The following WNT10A variants were observed in gnomAD, a reference collection of about 807,000 sequenced individuals.
The protein encoded by WNT10A is Wnt family member 10A.
A neutral mutation model predicts 36.1 loss-of-function variants in WNT10A; 37 were observed. That is an observed-to-expected ratio of 1.02 (90% CI 0.79 to 1.35). The LOEUF (loss-of-function observed/expected upper bound fraction) is 1.35, where lower values mean the gene tolerates loss of function less well. WNT10A is among the 40% of genes most tolerant of loss of function. The pLI is 0.00. For synonymous variants in WNT10A, 255 were observed against 254.1 expected (o/e 1.00, Z -0.03); for missense variants, 613 against 601.4 (o/e 1.02, Z -0.20).
rs754567070 is a variant in WNT10A, at chr2:218,893,227, T to A, written c.1210T>A (p.Cys404Ser). 6.4e-7 allele frequency: 1 copy of A among 1,566,376 alleles called. No individual in the cohort carries two copies. The highest frequency in any genetic ancestry group is 8.6e-7 in the Non-Finnish European group (1 of 1,162,276). ...CTTCCACTGGTGCTGTTTCGTGGTC[T>A]GCGAAGAGTGCCGCATCACCGAGTG... ...CRFHWCCFVVCEECRITEWVS... is the reference protein window; with the variant it reads ...CRFHWCCFVVSEECRITEWVS... Residue 404 changes from cysteine (C) to serine (S), a missense_variant, in exon 4 of 4, where the codon TGC becomes AGC. Physicochemically the swap from Cys to Ser is moderately radical, Grantham distance 112 (BLOSUM62 -1). Coordinates refer to ENST00000258411, the MANE Select transcript of WNT10A (RefSeq NM_025216.3). This position sits in a 1 kb window ranked among gnomAD's most constrained non-coding sequence, Gnocchi z 6.3.
chr2:218,892,669 T>C (rs943127331), intron 3 of WNT10A, 105 bp from the exon 4 acceptor site: 2 of 1,501,324 alleles, frequency 1.3e-6, no homozygotes, highest in Admixed American at 4.1e-5. Flanking sequence ...CCTCAGCGTT[T>C]GCCTCTGTAT....
upstream of WNT10A, among the ~76,000 whole-genome samples, chr2:218,879,142 A>G (rs924835937): frequency 1.5e-5 from 2 of 132,968 alleles, no homozygotes; most frequent in East Asian, 2.5e-4. Context: ...GGCTGCCGGC[A>G]GAGATGAGGG....
rs1479734885 is a variant in WNT10A at position 218,881,013 on chromosome 2, T to A, written c.18T>A (p.Pro6=). Residue 6 remains proline, a synonymous_variant, in exon 1 of 4, where the codon CCT becomes CCA. Transcript: ENST00000258411. MGSAH[P]RPWLRLRPQP... ...TGCGCGCCATGGGCAGCGCCCACCC[T>A]CGCCCCTGGCTGCGGCTCCGACCCC... 6.3e-7 allele frequency: 1 copy of A among 1,588,106 alleles called. No homozygotes were observed.
chr2:218,879,502 C>G (rs941675044), upstream of WNT10A, among the ~76,000 whole-genome samples: 1 of 152,234 alleles, frequency 6.6e-6, no homozygotes, highest in Middle Eastern at 3.2e-3. Context: ...CTCTCAGGCC[C>G]TTGCTTGGGC....
Position 218,888,425 on chromosome 2 carries a change from C to T in WNT10A, c.377-1559C>T, listed in dbSNP as rs145948470. On this transcript the variant is annotated intron_variant, in intron 2 of 3. Transcript: ENST00000258411. ...GCCAGTGGCCAGGCCGGCCTAGCCG[C>T]GGCCCCCAAGAGTGGCTTGGTCAGG... Among the ~76,000 whole-genome samples the T allele has an allele frequency of 3.5e-3, 527 of 152,350 alleles. 2 individuals are homozygous for T. The highest frequency in any genetic ancestry group is 0.012 in the African/African-American group (480 of 41,584).
chr2:218,887,491 C>T (rs1027164654), intron 2 of WNT10A, among the ~76,000 whole-genome samples: 1 of 152,196 alleles, frequency 6.6e-6, no homozygotes, highest in Non-Finnish European at 1.5e-5. Flanking sequence ...GTTTCTACTC[C>T]TCTGCAGCTC....
chr2:218,875,159 C>CTTTTTTTTTTTTTTTTTTTTTTTTTT, the WNT10A span, among the ~76,000 whole-genome samples: 2 of 36,864 alleles, frequency 5.4e-5, 1 homozygote, highest in African/African-American at 1.5e-4. Flanking sequence ...GACTGACTTT[C>CTTTTTTTTTTTTTTTTTTTTTTTTTT]TTTTTTTTTT....
rs1944682983 is a variant in WNT10A, at chr2:218,893,577, C to G, written c.*306C>G. On this transcript the variant is annotated 3_prime_UTR_variant, in exon 4 of 4. Transcript: ENST00000258411. The surrounding 1 kb of genome is among the most constrained non-coding windows in gnomAD (Gnocchi z 6.3). ...CTAAAACAAGCCTCAGCCAGGCAAC[C>G]CGTCAGTCTGTCTCCATCCTTTCAC... 1 of 344,550 alleles carries G rather than the reference C, an allele frequency of 2.9e-6. No homozygotes were observed. The allele number at this position is 344,550 out of a possible 1,614,324, so 21.3% of individuals were successfully genotyped here. A position where few individuals can be genotyped will look rare whatever the true frequency, so the allele number is the denominator to read the frequency against.
At chr2:218,879,576 A>G (rs1413233636), upstream of WNT10A, among the ~76,000 whole-genome samples, 1 of 152,162 alleles carries the variant, frequency 6.6e-6, no homozygotes, top group Non-Finnish European at 1.5e-5. Flanking sequence ...GGACAGGAAG[A>G]TCTCAGCGAG....
intron 2 of WNT10A, among the ~76,000 whole-genome samples, chr2:218,883,632 G>C (rs543596681): frequency 2.0e-5 from 3 of 150,716 alleles, no homozygotes; most frequent in Non-Finnish European, 4.4e-5. Context: ...CGCGTGTGGC[G>C]GCATGCAGCC....
intron 2 of WNT10A, among the ~76,000 whole-genome samples, chr2:218,886,448 T>C (rs1465588266): frequency 6.6e-6 from 1 of 152,166 alleles, no homozygotes; most frequent in Non-Finnish European, 1.5e-5. Flanking sequence ...CTAGTTCCCA[T>C]TGGCTCCTGA....
upstream of WNT10A, among the ~76,000 whole-genome samples, chr2:218,878,546 CA>C (rs1476869187): frequency 6.6e-6 from 1 of 152,068 alleles, no homozygotes; most frequent in Non-Finnish European, 1.5e-5. The surrounding 1 kb of genome is among the most constrained non-coding windows in gnomAD (Gnocchi z 4.1). Flanking sequence ...CAGCGTTTCC[CA>C]AAAGGAGTCC....
At chr2:218,888,152 T>C (rs1471876555) in intron 2 of WNT10A, among the ~76,000 whole-genome samples, 2 of 152,204 alleles carry the variant, frequency 1.3e-5, no homozygotes, top group Non-Finnish European at 2.9e-5. Flanking sequence ...AGGATTAAGG[T>C]GGGATTGGCC....
intron 2 of WNT10A, among the ~76,000 whole-genome samples, chr2:218,885,965 C>CTAT (rs1165161701): frequency 6.6e-6 from 1 of 152,124 alleles, no homozygotes; most frequent in Non-Finnish European, 1.5e-5. Context: ...GTGGTAGGTC[C>CTAT]TATTATTATT....
At chr2:218,882,080 T>G in intron 1 of WNT10A, 81 bp from the exon 2 acceptor site, 7 of 1,544,188 alleles carry the variant, frequency 4.5e-6, no homozygotes, top group Non-Finnish European at 8.8e-7. Flanking sequence ...ATTATGGCCG[T>G]TGGGACAGAG....
At chr2:218,879,239 C>G (rs1944482470), upstream of WNT10A, among the ~76,000 whole-genome samples, 1 of 152,348 alleles carries the variant, frequency 6.6e-6, no homozygotes, top group African/African-American at 2.4e-5. Context: ...AGGGCCCCAC[C>G]CCCTCCTTCA....
At chr2:218,875,188 T>C in the WNT10A span, among the ~76,000 whole-genome samples, 388 of 98,158 alleles carry the variant, frequency 4.0e-3, 21 homozygotes, top group African/African-American at 0.014. Context: ...TTTTTTTTTT[T>C]TTTTTTTTTT....
intron 2 of WNT10A, among the ~76,000 whole-genome samples, chr2:218,886,074 C>T (rs1301995947): frequency 2.0e-5 from 3 of 152,196 alleles, no homozygotes; most frequent in Admixed American, 6.5e-5. Flanking sequence ...GGCCAGCTGA[C>T]TTTAAAGTTT....
At position 218,889,960 on chromosome 2, in the gene WNT10A, T is replaced by G. The variant is rs373425373; in HGVS notation, c.377-24T>G. ...GGTGTCAAGGCCCCTCCAGAGTCCA[T>G]GTGTTCTGGGTCTTTAACCACAGGT... On this transcript the variant is annotated intron_variant, in intron 2 of 3. Transcript: ENST00000258411. The G allele has an allele frequency of 3.1e-6, 5 of 1,611,700 alleles. No homozygotes were observed. In the African/African-American group the frequency reaches 6.7e-5, roughly 22 times the overall value.
Sources: allele counts gnomAD v4.1 joint callset (sites outside exome capture counted in the v4.1 genomes callset), GRCh38; gene constraint gnomAD v4.1.1; non-coding constraint Gnocchi (gnomAD v3.1); transcripts MANE v1.5; gene names NCBI Gene and HGNC (gene_info 2026-07-23, HGNC 2026-07-21).